The following KDM7A variants were observed in gnomAD, a reference collection of about 807,000 sequenced individuals.
The protein encoded by KDM7A is lysine-specific demethylase 7A.
In KDM7A, 28 loss-of-function variants were observed where a neutral mutation model predicts 114.8. That is an observed-to-expected ratio of 0.24 (90% CI 0.18 to 0.33). The LOEUF (loss-of-function observed/expected upper bound fraction) is 0.33, where lower values mean the gene tolerates loss of function less well. KDM7A is among the 10% of genes least tolerant of loss of function. The pLI, the probability that KDM7A is intolerant of heterozygous loss-of-function variation, is 1.00. For missense variants in KDM7A, 942 were observed against 1,142.5 expected (o/e 0.82, Z 2.53); for synonymous variants, 423 against 397.8 (o/e 1.06, Z -0.75).
rs1343308769 is a variant in KDM7A, at chr7:140,124,650, T to A, written c.1022A>T (p.Lys341Met). 7 of 1,613,108 alleles carry A rather than the reference T, an allele frequency of 4.3e-6. No homozygotes were observed. The highest frequency in any genetic ancestry group is 5.9e-6 in the Non-Finnish European group (7 of 1,179,688). ...AGGAACAAATAAGGTATGTCCCTGC[T>A]TTACCACACATTTGTAGCATTTATC... ...KVDKCYKCVV[K>M]QGHTLFVPTG... Residue 341 changes from lysine to methionine, a missense_variant, in exon 7 of 20, where the codon AAG becomes ATG. Physicochemically the swap from Lys to Met is moderately conservative, Grantham distance 95. Coordinates refer to ENST00000397560, the MANE Select transcript of KDM7A (RefSeq NM_030647.2).
intron 9 of KDM7A, among the ~76,000 whole-genome samples, chr7:140,116,958 A>C (rs1336020546): frequency 6.6e-6 from 1 of 152,222 alleles, no homozygotes; most frequent in Non-Finnish European, 1.5e-5. Context: ...GCCTTAGAAC[A>C]GTCTGAGAGC....
At chr7:140,098,779 T>G (rs1184105524) in intron 14 of KDM7A, 100 bp downstream of exon 14, 1 of 1,029,310 alleles carries the variant, frequency 9.7e-7, no homozygotes, top group Non-Finnish European at 1.4e-6. Context: ...AAAAGTTTTC[T>G]GCTATTTTAA....
At position 140,096,685 on chromosome 7, in the gene KDM7A, C is replaced by A. The variant is rs748787338; in HGVS notation, c.2244G>T (p.Thr748=). ...TGCTTTGTATTTGCCTTTGTAAACA[C>A]GTGGAATAGTGCAACCCTGCCATAG... The part of the protein sequence containing the change: ...MLSMAGLHYS[T]CLQRQIQSTD... The change falls in exon 17 of 20, where the codon ACG becomes ACT. Residue 748 remains threonine (T), a synonymous_variant. Coordinates refer to ENST00000397560, the MANE Select transcript of KDM7A (RefSeq NM_030647.2). 59 of 1,614,090 alleles carry A rather than the reference C, an allele frequency of 3.7e-5. No homozygotes were observed. Among genetic ancestry groups the A allele is most frequent in the Non-Finnish European group, 4.9e-5 (58 of 1,180,008 alleles).
chr7:140,162,448 A>C (rs1794531343), intron 1 of KDM7A, among the ~76,000 whole-genome samples: 1 of 152,214 alleles, frequency 6.6e-6, no homozygotes, highest in South Asian at 2.1e-4. Flanking sequence ...TAAAGGAAGA[A>C]TATGTTAACA....
At chr7:140,156,795 C>CACAGAG (rs747050492) in intron 1 of KDM7A, among the ~76,000 whole-genome samples, 189 of 152,346 alleles carry the variant, frequency 1.2e-3, no homozygotes, top group Non-Finnish European at 2.0e-3. Context: ...AGAAGTATTT[C>CACAGAG]ACAGAGACAG....
intron 9 of KDM7A, among the ~76,000 whole-genome samples, chr7:140,117,491 T>A (rs952586455): frequency 6.7e-6 from 1 of 150,306 alleles, no homozygotes; most frequent in African/African-American, 2.5e-5. Context: ...TGTGTGTTCG[T>A]GGATAGTTTC....
At position 140,085,565 on chromosome 7, in the gene KDM7A, C is replaced by T. The variant is rs1817912574; in HGVS notation, c.*5529G>A. ...AGAAAAGTCTTTTCTGAAGGAAATA[C>T]CATCTGCGAAGATGCATTTCCTGAT... On this transcript the variant is annotated 3_prime_UTR_variant, in exon 20 of 20. Transcript: ENST00000397560. The T allele has an allele frequency of 6.6e-6, 1 of 152,152 alleles. No individual in the cohort carries two copies. Among genetic ancestry groups the T allele is most frequent in the Admixed American group, 6.5e-5 (1 of 15,274 alleles). 9.4% of individuals were successfully genotyped at this position (152,152 alleles called of 1,614,324 possible).
intron 1 of KDM7A, among the ~76,000 whole-genome samples, chr7:140,142,992 T>G (rs1794301568): frequency 6.6e-6 from 1 of 151,742 alleles, no homozygotes; most frequent in African/African-American, 2.4e-5. Flanking sequence ...CCACCCTGGC[T>G]AACACGGTGA....
At chr7:140,130,598 G>C (rs1214448642) in intron 3 of KDM7A, among the ~76,000 whole-genome samples, 2 of 152,106 alleles carry the variant, frequency 1.3e-5, no homozygotes, top group African/African-American at 4.8e-5. Context: ...TCCAGCCTGA[G>C]TGACAAGAGC....
chr7:140,174,425 C>A (rs1369808582), intron 1 of KDM7A, among the ~76,000 whole-genome samples: 3 of 152,124 alleles, frequency 2.0e-5, no homozygotes, highest in African/African-American at 7.2e-5. Flanking sequence ...CCCGTAAGCC[C>A]TCTGTATTTC....
intron 12 of KDM7A, among the ~76,000 whole-genome samples, chr7:140,100,679 T>TATATATATATATATATATATAC (rs1192609907): frequency 1.6e-3 from 103 of 63,968 alleles, no homozygotes; most frequent in South Asian, 3.3e-3. Context: ...TATATATATA[T>TATATATATATATATATATATAC]ACATATATAC....
At chr7:140,099,802 T>C (rs928479925) in intron 13 of KDM7A, 97 bp downstream of exon 13, 4 of 1,148,944 alleles carry the variant, frequency 3.5e-6, no homozygotes, top group Admixed American at 3.7e-5. Context: ...ACAAAACCGG[T>C]CCCTGGTGCC....
intron 1 of KDM7A, among the ~76,000 whole-genome samples, chr7:140,157,667 CAAAG>C (rs1794472796): frequency 6.6e-6 from 1 of 151,430 alleles, no homozygotes; most frequent in Admixed American, 6.6e-5. Context: ...AATTAACAAA[CAAAG>C]AAATAATTGA....
intron 1 of KDM7A, among the ~76,000 whole-genome samples, chr7:140,174,135 G>T (rs1333224710): frequency 2.0e-5 from 3 of 150,856 alleles, no homozygotes; most frequent in Admixed American, 2.0e-4. Flanking sequence ...CTGCACTCCA[G>T]CCTGGGTGAC....
Position 140,101,934 on chromosome 7 carries a change from T to A in KDM7A, c.1638+17A>T. On this transcript the variant is annotated intron_variant, in intron 12 of 19. Coordinates refer to ENST00000397560, the MANE Select transcript of KDM7A (RefSeq NM_030647.2). Reference sequence around the variant, plus strand: ...ACAGCCAAGTTTCTTTTTGTTGTCATGAAACATAATACTTGCCTCTTCCCA... The same window carrying A: ...ACAGCCAAGTTTCTTTTTGTTGTCAAGAAACATAATACTTGCCTCTTCCCA... The A allele has an allele frequency of 1.3e-6, 2 of 1,554,004 alleles. No homozygotes were observed. The highest frequency in any genetic ancestry group is 1.8e-6 in the Non-Finnish European group (2 of 1,127,914).
At position 140,127,507 on chromosome 7, in the gene KDM7A, T is replaced by C. The variant is rs1818726046; in HGVS notation, c.636A>G (p.Lys212=). 6 of 1,613,510 alleles carry C rather than the reference T, an allele frequency of 3.7e-6. 1 individual carries two copies. In the South Asian group the frequency reaches 6.6e-5, roughly 18 times the overall value. ...DSKMTLHNYV[K]YFMNPNRPKV... ...TTGGTCTGTTAGGATTCATGAAGTA[T>C]TTAACATAATTGTGAAGTGTCATTT... Residue 212 remains lysine, a synonymous_variant, in exon 5 of 20, where the codon AAA becomes AAG. Coordinates refer to ENST00000397560, the MANE Select transcript of KDM7A (RefSeq NM_030647.2).
chr7:140,134,091 C>T (rs1297395120), intron 2 of KDM7A, among the ~76,000 whole-genome samples: 2 of 152,188 alleles, frequency 1.3e-5, no homozygotes, highest in Non-Finnish European at 2.9e-5. Flanking sequence ...ATCATTCCTT[C>T]CTCTTTCATG....
intron 1 of KDM7A, among the ~76,000 whole-genome samples, chr7:140,162,221 GC>G (rs1459790130): frequency 6.6e-6 from 1 of 151,940 alleles, no homozygotes; most frequent in Non-Finnish European, 1.5e-5. Context: ...TGTAATTCCA[GC>G]TACTCGGGAG....
At chr7:140,160,688 T>C (rs894791328) in intron 1 of KDM7A, among the ~76,000 whole-genome samples, 2 of 151,988 alleles carry the variant, frequency 1.3e-5, no homozygotes, top group Non-Finnish European at 2.9e-5. Context: ...CTTTGGAGCT[T>C]TAAGAGAATA....
Sources: allele counts gnomAD v4.1 joint callset (sites outside exome capture counted in the v4.1 genomes callset), GRCh38; gene constraint gnomAD v4.1.1; transcripts MANE v1.5; gene names NCBI Gene and HGNC (gene_info 2026-07-23, HGNC 2026-07-21).